The following CEP63 variants were observed in gnomAD, a reference collection of about 807,000 sequenced individuals.
The protein encoded by CEP63 is centrosomal protein 63, also known as centrosomal protein of 63 kDa.
CEP63 carries 84 observed loss-of-function variants against 89.1 expected under a neutral mutation model. That is an observed-to-expected ratio of 0.94 (90% CI 0.79 to 1.13). CEP63 has a LOEUF of 1.13. Among genes scored for constraint, CEP63 ranks in the 50% most tolerant of loss-of-function variants. The pLI is 0.00. For missense variants in CEP63, 838 were observed against 813.3 expected (o/e 1.03, Z -0.37); for synonymous variants, 267 against 272.5 (o/e 0.98, Z 0.20).
intron 14 of CEP63, among the ~76,000 whole-genome samples, 176 bp downstream of exon 14, chr3:134,559,605 C>T (rs900962465): frequency 6.6e-6 from 1 of 152,160 alleles, no homozygotes; most frequent in Admixed American, 6.5e-5. Flanking sequence ...ACACTTTCGG[C>T]CAAGACTACT....
the CEP63 span, among the ~76,000 whole-genome samples, chr3:134,763,428 T>C: frequency 1.3e-5 from 2 of 152,152 alleles, no homozygotes; most frequent in Admixed American, 1.3e-4. Context: ...TCTTATGAAA[T>C]AGGATTCAGG....
intron 1 of CEP63, among the ~76,000 whole-genome samples, chr3:134,487,609 A>G (rs1936053097): frequency 1.3e-5 from 2 of 152,214 alleles, no homozygotes; most frequent in African/African-American, 4.8e-5. Context: ...TAAAGCCAAC[A>G]TTGACAGAAG....
chr3:134,711,414 A>G, the CEP63 span, among the ~76,000 whole-genome samples: 1 of 152,104 alleles, frequency 6.6e-6, no homozygotes, highest in South Asian at 2.1e-4. Flanking sequence ...GTTTCCCTTC[A>G]GGCCTTCTGC....
At chr3:134,741,169 C>T in the CEP63 span, among the ~76,000 whole-genome samples, 1 of 152,326 alleles carries the variant, frequency 6.6e-6, no homozygotes. Context: ...TTCTGCCCTT[C>T]TCTGCCCATC....
At chr3:134,723,670 T>A in the CEP63 span, among the ~76,000 whole-genome samples, 3 of 152,196 alleles carry the variant, frequency 2.0e-5, 1 homozygote, top group Non-Finnish European at 4.4e-5. Flanking sequence ...TGCTCTGAAC[T>A]AGTGGGAAGA....
the CEP63 span, among the ~76,000 whole-genome samples, chr3:134,664,715 G>A: frequency 3.3e-5 from 5 of 151,924 alleles, no homozygotes; most frequent in African/African-American, 9.7e-5. Flanking sequence ...CAAGCCATTC[G>A]AACTTTAGCT....
chr3:134,486,479 G>T, intron 1 of CEP63: 3 of 985,652 alleles, frequency 3.0e-6, no homozygotes, highest in Non-Finnish European at 3.6e-6. Flanking sequence ...GCGCAGCCCG[G>T]CGTGGGGTTC....
the CEP63 span, among the ~76,000 whole-genome samples, chr3:134,727,853 G>A: frequency 6.6e-6 from 1 of 152,106 alleles, no homozygotes; most frequent in Non-Finnish European, 1.5e-5. Context: ...TGGGAATATG[G>A]GGGTTTGTTG....
the CEP63 span, chr3:134,615,080 A>T: frequency 1.3e-5 from 2 of 152,198 alleles, no homozygotes; most frequent in Non-Finnish European, 2.9e-5. Context: ...ATAATCTGAC[A>T]GTGTGTTTAT....
the CEP63 span, among the ~76,000 whole-genome samples, chr3:134,754,315 T>G: frequency 6.6e-6 from 1 of 152,234 alleles, no homozygotes; most frequent in Non-Finnish European, 1.5e-5. Context: ...TCAGAGACCC[T>G]GGGCTGCCCA....
the CEP63 span, among the ~76,000 whole-genome samples, chr3:134,768,792 A>G: frequency 6.6e-6 from 1 of 152,190 alleles, no homozygotes; most frequent in Non-Finnish European, 1.5e-5. Context: ...TGCAATTAAG[A>G]TTGCTAATCA....
the CEP63 span, among the ~76,000 whole-genome samples, chr3:134,769,694 C>A: frequency 6.6e-6 from 1 of 152,182 alleles, no homozygotes; most frequent in African/African-American, 2.4e-5. Context: ...AAGGCCTAAC[C>A]CTAAGAGGCC....
At chr3:134,548,171 T>A (rs1384199478) in intron 9 of CEP63, among the ~76,000 whole-genome samples, 1 of 152,224 alleles carries the variant, frequency 6.6e-6, no homozygotes, top group East Asian at 1.9e-4. Flanking sequence ...ATCCTATGTC[T>A]CCGTCAAGTT....
chr3:134,509,571 T>C (rs1255844251), intron 3 of CEP63, among the ~76,000 whole-genome samples: 1 of 152,210 alleles, frequency 6.6e-6, no homozygotes, highest in Non-Finnish European at 1.5e-5. Flanking sequence ...TACCACTCTT[T>C]CCAGTGCATT....
At chr3:134,611,859 A>G in the CEP63 span, among the ~76,000 whole-genome samples, 62 of 152,250 alleles carry the variant, frequency 4.1e-4, no homozygotes, top group Non-Finnish European at 6.2e-4. Context: ...TGCATCTACT[A>G]TAGGAATTGG....
At chr3:134,586,573 A>C (rs907186498) in intron 10 of CEP63, among the ~76,000 whole-genome samples, 1 of 152,124 alleles carries the variant, frequency 6.6e-6, no homozygotes, top group African/African-American at 2.4e-5. Context: ...TGTTAGTCTG[A>C]TGGGCTTCCC....
At chr3:134,553,030 A>G (rs1190542517) in intron 12 of CEP63, 1 of 152,138 alleles carries the variant, frequency 6.6e-6, no homozygotes, top group African/African-American at 2.4e-5. Flanking sequence ...AATTCCTATA[A>G]TTTGCAAAAT....
At chr3:134,579,965 C>A (rs1347504689), downstream of CEP63, among the ~76,000 whole-genome samples, 3 of 152,042 alleles carry the variant, frequency 2.0e-5, no homozygotes, top group African/African-American at 7.2e-5. Flanking sequence ...TTTGGGAGGC[C>A]AAGGTGGATC....
chr3:134,543,722 G>A (rs1205584736), intron 6 of CEP63, among the ~76,000 whole-genome samples: 1 of 152,206 alleles, frequency 6.6e-6, no homozygotes, highest in Non-Finnish European at 1.5e-5. Flanking sequence ...CAGGGCTGCT[G>A]TACAGATTAA....
Sources: allele counts gnomAD v4.1 joint callset (sites outside exome capture counted in the v4.1 genomes callset), GRCh38; gene constraint gnomAD v4.1.1; transcripts MANE v1.5; gene names NCBI Gene and HGNC (gene_info 2026-07-23, HGNC 2026-07-21).